The following DCC variants were observed in gnomAD, a reference collection of about 807,000 sequenced individuals.
DCC encodes netrin receptor DCC.
Under a neutral mutation model 172.5 loss-of-function variants are expected in DCC, and 58 were observed. The observed-to-expected ratio is 0.34, with a 90% CI of 0.27 to 0.42. DCC has a LOEUF of 0.42. Ranked by LOEUF, DCC falls within the 10% of genes least tolerant of loss-of-function variation. DCC has a pLI of 1.00. For synonymous variants in DCC, 709 were observed against 644.5 expected, an observed-to-expected ratio of 1.10 and a Z score of -1.52; for missense variants, 1,740 against 1,791.0, an observed-to-expected ratio of 0.97 and a Z score of 0.51.
intron 2 of DCC, among the ~76,000 whole-genome samples, chr18:52,833,035 T>A (rs988612506): frequency 2.0e-5 from 3 of 152,128 alleles, no homozygotes; most frequent in Non-Finnish European, 4.4e-5. Flanking sequence ...TTAATAACAA[T>A]AGGGTTTTGC....
At chr18:52,347,789 C>A (rs1300133958) in intron 1 of DCC, among the ~76,000 whole-genome samples, 2 of 151,950 alleles carry the variant, frequency 1.3e-5, no homozygotes, top group African/African-American at 4.8e-5. Context: ...ACGTATTTTT[C>A]CTTATTAAAT....
chr18:53,246,235 T>C (rs770752522), intron 12 of DCC, among the ~76,000 whole-genome samples: 1 of 152,064 alleles, frequency 6.6e-6, no homozygotes, highest in Non-Finnish European at 1.5e-5. Flanking sequence ...TAAAATCTAA[T>C]CTATTTATAT....
chr18:53,520,873 T>C (rs28459578), intron 27 of DCC, among the ~76,000 whole-genome samples: 29 of 152,188 alleles, frequency 1.9e-4, no homozygotes, highest in African/African-American at 7.0e-4. Flanking sequence ...TTTCCTTTAA[T>C]TGCCCTTTCA....
chr18:53,526,870 ATTG>A (rs1320765797), intron 28 of DCC, 111 bp downstream of exon 28: 48 of 1,108,508 alleles, frequency 4.3e-5, no homozygotes. Context: ...ACCCCAGGCC[ATTG>A]TTGTTCTTAT....
chr18:53,124,356 A>G (rs950311596), intron 7 of DCC, among the ~76,000 whole-genome samples: 1 of 152,102 alleles, frequency 6.6e-6, no homozygotes, highest in African/African-American at 2.4e-5. Flanking sequence ...TGTATACATA[A>G]TAAACAGGCA....
chr18:52,356,994 A>C (rs957448576), intron 1 of DCC, among the ~76,000 whole-genome samples: 26 of 152,278 alleles, frequency 1.7e-4, no homozygotes, highest in African/African-American at 6.0e-4. Context: ...CATGTTGGCC[A>C]GGCTGGTCTT....
At chr18:52,952,541 T>C (rs995828999) in intron 5 of DCC, among the ~76,000 whole-genome samples, 1 of 152,190 alleles carries the variant, frequency 6.6e-6, no homozygotes, top group Non-Finnish European at 1.5e-5. Flanking sequence ...GCCATACCAA[T>C]TTAAGTTACT....
At chr18:53,213,867 T>C (rs1457000239) in intron 11 of DCC, among the ~76,000 whole-genome samples, 4 of 145,314 alleles carry the variant, frequency 2.8e-5, no homozygotes, top group African/African-American at 1.1e-4. Context: ...GATTAAATAA[T>C]AATACAAGTA....
chr18:53,365,446 G>T (rs1334018502), intron 15 of DCC, among the ~76,000 whole-genome samples: 1 of 132,548 alleles, frequency 7.5e-6, no homozygotes, highest in African/African-American at 2.7e-5. Flanking sequence ...TCATCCCACT[G>T]AAAAAAAAAA....
chr18:53,143,592 T>C (rs1383050912), intron 7 of DCC, among the ~76,000 whole-genome samples: 3 of 152,230 alleles, frequency 2.0e-5, no homozygotes, highest in African/African-American at 7.2e-5. Context: ...TCTTTAAATA[T>C]CATGTTATGG....
chr18:52,479,286 T>C (rs769944341), intron 1 of DCC, among the ~76,000 whole-genome samples: 11 of 152,198 alleles, frequency 7.2e-5, no homozygotes, highest in Non-Finnish European at 1.3e-4. Context: ...ATTTCTAAAG[T>C]GACCTTTTGT....
At chr18:52,415,473 G>A (rs1568159546) in intron 1 of DCC, among the ~76,000 whole-genome samples, 1 of 152,192 alleles carries the variant, frequency 6.6e-6, no homozygotes, top group Non-Finnish European at 1.5e-5. Flanking sequence ...AAGGCACTGT[G>A]TAAACATTAT....
chr18:53,152,787 A>G (rs1191342202), intron 7 of DCC, among the ~76,000 whole-genome samples: 2 of 152,236 alleles, frequency 1.3e-5, no homozygotes, highest in African/African-American at 2.4e-5. Flanking sequence ...GTTGAGAGAA[A>G]GCATGGAGGA....
chr18:52,618,373 C>A (rs957106639), intron 1 of DCC, among the ~76,000 whole-genome samples: 2 of 152,144 alleles, frequency 1.3e-5, no homozygotes, highest in Non-Finnish European at 2.9e-5. Context: ...ATATAATCCC[C>A]TCCATGGTTG....
At chr18:52,727,669 A>C (rs1023973236) in intron 1 of DCC, among the ~76,000 whole-genome samples, 53 of 152,146 alleles carry the variant, frequency 3.5e-4, no homozygotes, top group African/African-American at 1.3e-3. Context: ...AATCCAGTGA[A>C]TCAAAGGAAA....
intron 5 of DCC, among the ~76,000 whole-genome samples, chr18:52,982,528 A>G (rs2041228473): frequency 1.3e-5 from 2 of 152,072 alleles, no homozygotes; most frequent in South Asian, 4.1e-4. Flanking sequence ...AGCAATAGTA[A>G]CATTTGGGCC....
At chr18:52,906,503 GTTCT>G (rs1370898592) in intron 3 of DCC, among the ~76,000 whole-genome samples, 175 bp downstream of exon 3, 1 of 124,040 alleles carries the variant, frequency 8.1e-6, no homozygotes, top group Non-Finnish European at 1.8e-5. Context: ...ACCAAAAGCT[GTTCT>G]TTTTTTTTTT....
At chr18:52,403,667 C>A (rs141860457) in intron 1 of DCC, among the ~76,000 whole-genome samples, 1 of 152,030 alleles carries the variant, frequency 6.6e-6, no homozygotes, top group East Asian at 1.9e-4. Context: ...GAAAGAGCAA[C>A]TAAGGAGGGA....
intron 5 of DCC, among the ~76,000 whole-genome samples, chr18:52,940,263 T>C (rs1177084625): frequency 1.3e-5 from 2 of 152,030 alleles, no homozygotes; most frequent in Non-Finnish European, 1.5e-5. Flanking sequence ...CTTATTAAAA[T>C]TGGAGTATAA....
Sources: allele counts gnomAD v4.1 joint callset (sites outside exome capture counted in the v4.1 genomes callset), GRCh38; gene constraint gnomAD v4.1.1; transcripts MANE v1.5; gene names NCBI Gene and HGNC (gene_info 2026-07-23, HGNC 2026-07-21).